The following C2CD3 variants were observed in gnomAD, a reference collection of about 807,000 sequenced individuals.
C2CD3 encodes the protein C2 domain-containing protein 3.
A neutral mutation model predicts 234.0 loss-of-function variants in C2CD3; 148 were observed. The ratio of observed to expected loss-of-function variants is 0.63; its 90% CI spans 0.55 to 0.72. The LOEUF (loss-of-function observed/expected upper bound fraction) is 0.72, where lower values mean the gene tolerates loss of function less well. Ranked by LOEUF, C2CD3 falls within the 30% of genes least tolerant of loss-of-function variation. The pLI, the probability that C2CD3 is intolerant of heterozygous loss-of-function variation, is 0.00. For synonymous variants in C2CD3, 1,000 were observed against 1,035.4 expected, an observed-to-expected ratio of 0.97 and a Z score of 0.66; for missense variants, 2,577 against 2,811.5, an observed-to-expected ratio of 0.92 and a Z score of 1.89.
intron 14 of C2CD3, among the ~76,000 whole-genome samples, chr11:74,101,743 T>A (rs747190966): frequency 2.0e-5 from 3 of 151,020 alleles, no homozygotes; most frequent in Non-Finnish European, 4.4e-5. Flanking sequence ...GATACAGAAG[T>A]AGGAGAAGAG....
At chr11:74,153,745 A>T (rs531215851) in intron 3 of C2CD3, among the ~76,000 whole-genome samples, 3 of 152,324 alleles carry the variant, frequency 2.0e-5, no homozygotes, top group East Asian at 3.9e-4. Context: ...AATTTTCAAT[A>T]AGAACAAAAT....
intron 2 of C2CD3, among the ~76,000 whole-genome samples, chr11:74,166,359 T>G (rs1856813260): frequency 6.6e-6 from 1 of 151,848 alleles, no homozygotes; most frequent in African/African-American, 2.4e-5. Context: ...ACAGTTGGAC[T>G]GTCACTTATA....
At chr11:74,050,352 C>G (rs779280907) in intron 26 of C2CD3, among the ~76,000 whole-genome samples, 1 of 152,172 alleles carries the variant, frequency 6.6e-6, no homozygotes, top group African/African-American at 2.4e-5. Context: ...GGCTCAGGCT[C>G]TTCTCTACAT....
At chr11:74,155,567 G>C (rs1855955789) in intron 3 of C2CD3, among the ~76,000 whole-genome samples, 1 of 152,066 alleles carries the variant, frequency 6.6e-6, no homozygotes. Context: ...CACAAAAAGG[G>C]ATGCACTTCT....
intron 12 of C2CD3, 36 bp from the exon 13 acceptor site, chr11:74,106,529 A>C: frequency 6.2e-7 from 1 of 1,601,592 alleles, no homozygotes; most frequent in Non-Finnish European, 8.5e-7. Context: ...TAGATTAATT[A>C]AAGAGAAGCC....
chr11:74,109,467 T>C (rs1400554851), intron 11 of C2CD3: 3 of 221,716 alleles, frequency 1.4e-5, no homozygotes, highest in Admixed American at 1.2e-4. Context: ...TTTTAGGTAA[T>C]AGCACTGTTT....
At chr11:74,115,737 A>G (rs1216142833) in intron 9 of C2CD3, among the ~76,000 whole-genome samples, 1 of 152,234 alleles carries the variant, frequency 6.6e-6, no homozygotes, top group Non-Finnish European at 1.5e-5. Context: ...CTATAAGGCC[A>G]CAGTCACCAA....
chr11:74,137,738 C>G (rs531421671), intron 5 of C2CD3, among the ~76,000 whole-genome samples: 5 of 152,028 alleles, frequency 3.3e-5, no homozygotes, highest in Admixed American at 6.5e-5. Flanking sequence ...GCACCTACCA[C>G]AACACCCAGC....
intron 1 of C2CD3, 70 bp downstream of exon 1, chr11:74,170,668 G>A (rs986507366): frequency 4.5e-6 from 7 of 1,545,396 alleles, no homozygotes; most frequent in Non-Finnish European, 6.3e-6. Context: ...CGGGGGTGCG[G>A]GTCTCCCTAA....
Position 74,078,402 on chromosome 11 carries a change from T to C in C2CD3, c.4316A>G (p.Tyr1439Cys). ...IHKNTYCYLR[Y>C]KFYDHEAFWT... ...AAAGGCTTCATGATCATAGAACTTG[T>C]AGCGAAGGTAGCAATATGTATTCTT... The change falls in exon 23 of 33, where the codon TAC (tyrosine) becomes TGC (cysteine). Residue 1439 changes from tyrosine (Y) to cysteine (C), a missense_variant. Transcript: ENST00000334126. 10 of 1,614,204 alleles carry C rather than the reference T, an allele frequency of 6.2e-6. No individual in the cohort carries two copies. Among genetic ancestry groups the C allele is most frequent in the Non-Finnish European group, 8.5e-6 (10 of 1,180,018 alleles).
intron 24 of C2CD3, among the ~76,000 whole-genome samples, chr11:74,073,274 C>A (rs1428501789): frequency 1.3e-5 from 2 of 152,050 alleles, no homozygotes; most frequent in African/African-American, 4.8e-5. Flanking sequence ...GCTTTAGTAA[C>A]AAGGTCTAAC....
intron 9 of C2CD3, among the ~76,000 whole-genome samples, 178 bp downstream of exon 9, chr11:74,118,050 A>C (rs189658118): frequency 6.6e-6 from 1 of 152,330 alleles, no homozygotes; most frequent in Admixed American, 6.5e-5. Context: ...AAACCTATGG[A>C]AAACAAATTT....
chr11:74,064,727 T>G (rs1591372648), intron 24 of C2CD3, among the ~76,000 whole-genome samples: 1 of 152,134 alleles, frequency 6.6e-6, no homozygotes, highest in Non-Finnish European at 1.5e-5. Context: ...AACAGAGATA[T>G]AGACCAATGG....
intron 26 of C2CD3, among the ~76,000 whole-genome samples, chr11:74,051,644 G>A (rs1243603591): frequency 6.6e-6 from 1 of 152,150 alleles, no homozygotes; most frequent in Non-Finnish European, 1.5e-5. Flanking sequence ...TCTGACTACA[G>A]TAAAAATCCT....
intron 19 of C2CD3, chr11:74,091,184 A>G: frequency 2.7e-6 from 1 of 374,482 alleles, no homozygotes; most frequent in Non-Finnish European, 4.8e-6. Flanking sequence ...CCAAGATTAC[A>G]CAACTACTGA....
intron 11 of C2CD3, chr11:74,113,065 A>G (rs1398941146): frequency 6.6e-6 from 1 of 152,286 alleles, no homozygotes; most frequent in African/African-American, 2.4e-5. Flanking sequence ...AGCAACTGAG[A>G]AAAGGATAAA....
chr11:74,114,733 GCT>G, intron 9 of C2CD3, 140 bp from the exon 10 acceptor site: 1 of 625,760 alleles, frequency 1.6e-6, no homozygotes, highest in Non-Finnish European at 2.8e-6. Flanking sequence ...ACAGGGTGTT[GCT>G]CTGTCACCCA....
chr11:74,150,512 A>AC (rs1216520340), intron 3 of C2CD3, among the ~76,000 whole-genome samples: 7 of 67,816 alleles, frequency 1.0e-4, no homozygotes, highest in Admixed American at 1.7e-4. Flanking sequence ...AAAAAAAAAA[A>AC]AAACAAAAAA....
Position 74,116,927 on chromosome 11 carries a change from C to T in C2CD3, c.1520+1301G>A, listed in dbSNP as rs1215109956. ...ACGTGTATGTATATATACATATACA[C>T]GTGTATATACACATATACACGTATA... On this transcript the variant is annotated intron_variant, in intron 9 of 32. Transcript: ENST00000334126. Among the ~76,000 whole-genome samples the T allele has an allele frequency of 2.3e-4, 21 of 93,186 alleles. 1 individual carries two copies. The highest frequency in any genetic ancestry group is 1.4e-3 in the East Asian group (5 of 3,496). The allele number at this position is 93,186 out of a possible 152,430, so 61.1% of individuals were successfully genotyped here. A position where few individuals can be genotyped will look rare whatever the true frequency, so the allele number is the denominator to read the frequency against.
Sources: gnomAD v4.1 joint callset for allele counts (sites outside exome capture counted in the v4.1 genomes callset) on GRCh38, gnomAD v4.1.1 for gene constraint, MANE v1.5 for transcripts, NCBI Gene and HGNC (gene_info 2026-07-23, HGNC 2026-07-21) for gene names.